Variants in PTPRA observed in about 807,000 individuals in gnomAD.
PTPRA encodes the protein protein tyrosine phosphatase receptor type A.
In PTPRA, 25 loss-of-function variants were observed where a neutral mutation model predicts 104.8. The observed-to-expected ratio is 0.24, with a 90% CI of 0.17 to 0.33. The LOEUF is 0.33. Ranked by LOEUF, PTPRA falls within the 10% of genes least tolerant of loss-of-function variation. PTPRA has a pLI of 1.00. For missense variants in PTPRA, 765 were observed against 1,015.3 expected (o/e 0.75, Z 3.35); for synonymous variants, 323 against 368.9 (o/e 0.88, Z 1.43).
chr20:3,029,100 G>A (rs1319741053), intron 20 of PTPRA, among the ~76,000 whole-genome samples: 1 of 143,506 alleles, frequency 7.0e-6, no homozygotes, highest in Non-Finnish European at 1.5e-5. Flanking sequence ...TCACCCTGAT[G>A]TTTCATTACA....
chr20:3,005,074 A>G lies in PTPRA; in HGVS notation c.757A>G (p.Ile253Val). ...EEFNALPACP[I>V]QATCEAASKE... ...CTTTCAGGCTCTCCCTGCATGTCCT[A>G]TCCAGGCCACCTGTGAGGCTGCTTC... is the stretch of plus-strand genomic sequence containing the variant. The change falls in exon 10 of 24, where the codon ATC becomes GTC. Residue 253 changes from isoleucine to valine, a missense_variant. Physicochemically the swap from Ile to Val is conservative, Grantham distance 29. This residue lies in a region of PTPRA where 245 missense variants were observed against 398.7 expected (regional missense o/e 0.61). Coordinates refer to ENST00000399903, the MANE Select transcript of PTPRA (RefSeq NM_001385305.1). 6.2e-7 allele frequency: 1 copy of G among 1,609,554 alleles called. No homozygotes were observed. The highest frequency in any genetic ancestry group is 8.5e-7 in the Non-Finnish European group (1 of 1,175,856).
chr20:2,910,860 C>A (rs2059698192), intron 1 of PTPRA, among the ~76,000 whole-genome samples: 2 of 151,000 alleles, frequency 1.3e-5, no homozygotes, highest in African/African-American at 2.4e-5. Flanking sequence ...CTGCCTTGGC[C>A]TCCCAAAGTG....
At chr20:3,010,532 G>A (rs1413751953) in intron 11 of PTPRA, among the ~76,000 whole-genome samples, 1 of 152,134 alleles carries the variant, frequency 6.6e-6, no homozygotes, top group East Asian at 1.9e-4. Flanking sequence ...GGAGGCTGAG[G>A]CAGGAGAACG....
intron 9 of PTPRA, among the ~76,000 whole-genome samples, chr20:2,995,017 C>T (rs1354533503): frequency 6.6e-6 from 1 of 152,114 alleles, no homozygotes; most frequent in Non-Finnish European, 1.5e-5. Flanking sequence ...GTAATCCCAG[C>T]TACTCGGGAG....
chr20:3,029,377 T>C (rs976091802), intron 20 of PTPRA, among the ~76,000 whole-genome samples: 1 of 151,646 alleles, frequency 6.6e-6, no homozygotes, highest in Non-Finnish European at 1.5e-5. Context: ...CTGGGCTCAA[T>C]TGATCCACCC....
At chr20:2,910,045 A>T (rs28851035) in intron 1 of PTPRA, among the ~76,000 whole-genome samples, 2 of 123,268 alleles carry the variant, frequency 1.6e-5, no homozygotes, top group South Asian at 2.3e-4. Context: ...ATCATATATA[A>T]TATATATCAT....
intron 3 of PTPRA, among the ~76,000 whole-genome samples, chr20:2,962,087 C>T (rs2061775856): frequency 6.6e-6 from 1 of 152,158 alleles, no homozygotes; most frequent in Non-Finnish European, 1.5e-5. Context: ...TAATGTCTCT[C>T]CATGTAAACT....
intron 3 of PTPRA, among the ~76,000 whole-genome samples, chr20:2,949,980 TTTG>T (rs2061299549): frequency 1.3e-5 from 2 of 152,154 alleles, no homozygotes; most frequent in African/African-American, 4.8e-5. Context: ...TTGTTGATAC[TTTG>T]TTATGATTTT....
intron 5 of PTPRA, among the ~76,000 whole-genome samples, chr20:2,966,096 T>C (rs2061935462): frequency 6.6e-6 from 1 of 152,214 alleles, no homozygotes; most frequent in Non-Finnish European, 1.5e-5. Context: ...AACTGTTTGC[T>C]CAGTTGATTC....
At chr20:2,904,597 A>G (rs148443587) in intron 1 of PTPRA, among the ~76,000 whole-genome samples, 2,756 of 142,004 alleles carry the variant, frequency 0.019, 92 homozygotes, top group African/African-American at 0.066. Context: ...TGAACCCAGG[A>G]GGCAGAGTTG....
chr20:2,912,469 C>A (rs1006558167), intron 1 of PTPRA, among the ~76,000 whole-genome samples: 1 of 151,692 alleles, frequency 6.6e-6, no homozygotes, highest in Non-Finnish European at 1.5e-5. Flanking sequence ...ACAAAAAATA[C>A]AAAAATTAGC....
Position 2,964,944 on chromosome 20 carries a change from ACTT to A in PTPRA, c.162_164del (p.Ser55del). ...AGAAGAGGCCAAAACTTCAAATCCA[ACTT>A]CTTCACTAACTTCTCTTTCTGTGGC... On this transcript the variant is annotated inframe_deletion, in exon 5 of 24. Transcript: ENST00000399903. 1 of 1,613,950 alleles carries A rather than the reference ACTT, an allele frequency of 6.2e-7. No homozygotes were observed. Among genetic ancestry groups the A allele is most frequent in the Non-Finnish European group, 8.5e-7 (1 of 1,179,828 alleles).
intron 6 of PTPRA, among the ~76,000 whole-genome samples, chr20:2,980,816 CTGTT>C (rs1306894749): frequency 1.3e-5 from 2 of 152,162 alleles, no homozygotes; most frequent in Admixed American, 6.5e-5. Context: ...TACTGTTGCT[CTGTT>C]TGAGCTATGC....
Position 3,035,478 on chromosome 20 carries a change from C to T in PTPRA, c.1921-107C>T. The T allele has an allele frequency of 1.5e-6, 2 of 1,296,412 alleles. No homozygotes were observed. Among genetic ancestry groups the T allele is most frequent in the Non-Finnish European group, 2.1e-6 (2 of 931,724 alleles). 80.3% of individuals were successfully genotyped at this position (1,296,412 alleles called of 1,614,324 possible). A position where few individuals can be genotyped will look rare whatever the true frequency, so the allele number is the denominator to read the frequency against. ...TCAATACCTTGGGGACGAAGCGTATCAGCGTAAGAGGTGGCTGTACTGAGA... is the reference window on the plus strand; with the variant it reads ...TCAATACCTTGGGGACGAAGCGTATTAGCGTAAGAGGTGGCTGTACTGAGA... On this transcript the variant is annotated intron_variant, in intron 20 of 23. Transcript: ENST00000399903. The surrounding 1 kb of genome is among the most constrained non-coding windows in gnomAD (Gnocchi z 5.8).
At chr20:2,965,986 C>T (rs2061931241) in intron 5 of PTPRA, among the ~76,000 whole-genome samples, 1 of 152,142 alleles carries the variant, frequency 6.6e-6, no homozygotes, top group Non-Finnish European at 1.5e-5. Flanking sequence ...TAACTGTCAT[C>T]CCTTTTCTAG....
At chr20:2,990,973 A>T (rs2063147226) in intron 9 of PTPRA, among the ~76,000 whole-genome samples, 1 of 152,212 alleles carries the variant, frequency 6.6e-6, no homozygotes. Flanking sequence ...ACCATTTACC[A>T]GGCAAGAGTT....
upstream of PTPRA, among the ~76,000 whole-genome samples, chr20:2,871,484 A>G (rs1019197322): frequency 2.0e-5 from 3 of 152,146 alleles, no homozygotes; most frequent in Non-Finnish European, 4.4e-5. Flanking sequence ...TAGCATGTCA[A>G]CCCCTTCTAG....
At chr20:2,988,182 A>G (rs954933370) in intron 8 of PTPRA, 77 bp downstream of exon 8, 2 of 1,522,104 alleles carry the variant, frequency 1.3e-6, no homozygotes, top group Non-Finnish European at 1.8e-6. Context: ...CCATCCTTTT[A>G]AAAGAATAAG....
intron 1 of PTPRA, among the ~76,000 whole-genome samples, chr20:2,886,052 C>A (rs1044827522): frequency 1.3e-5 from 2 of 152,152 alleles, no homozygotes; most frequent in Admixed American, 1.3e-4. Context: ...GAGCAAGACT[C>A]TGTCTTGGAA....
Sources: gnomAD v4.1 joint callset for allele counts (sites outside exome capture counted in the v4.1 genomes callset) on GRCh38, gnomAD v4.1.1 for gene constraint, gnomAD v4.1.1 regional missense constraint, Gnocchi (gnomAD v3.1) non-coding constraint, MANE v1.5 for transcripts, NCBI Gene and HGNC (gene_info 2026-07-23, HGNC 2026-07-21) for gene names.